Variants in ADAMTS19 observed in about 807,000 individuals in gnomAD.
ADAMTS19 encodes the protein A disintegrin and metalloproteinase with thrombospondin motifs 19.
A neutral mutation model predicts 153.3 loss-of-function variants in ADAMTS19; 93 were observed. The ratio of observed to expected loss-of-function variants is 0.61; its 90% CI spans 0.51 to 0.72. The LOEUF is 0.72. Ranked by LOEUF, ADAMTS19 falls within the 30% of genes least tolerant of loss-of-function variation. The probability of loss-of-function intolerance (pLI) is 0.00; values close to 1 mark genes in which losing one functional copy is unlikely to be tolerated. For missense variants in ADAMTS19, 1,482 were observed against 1,552.1 expected (o/e 0.95, Z 0.76); for synonymous variants, 600 against 556.6 (o/e 1.08, Z -1.10).
chr5:129,590,066 T>A (rs1230764915), intron 7 of ADAMTS19, among the ~76,000 whole-genome samples: 2 of 152,200 alleles, frequency 1.3e-5, no homozygotes, highest in Admixed American at 1.3e-4. Flanking sequence ...CTTAAAGTTA[T>A]TTTCAAATAT....
intron 20 of ADAMTS19, among the ~76,000 whole-genome samples, chr5:129,702,043 C>T (rs780872215): frequency 1.9e-4 from 29 of 152,216 alleles, no homozygotes; most frequent in Non-Finnish European, 3.8e-4. Context: ...TAAGTTTCAT[C>T]ATTTTATAAG....
rs1043244331 is a variant in ADAMTS19 at position 129,551,747 on chromosome 5, T to A, written c.1329-117T>A. ...AATCTTATTCACAGTTTTATTAGAT[T>A]CTTGGAGATGACAGATGTGCTTCAA... On this transcript the variant is annotated intron_variant, in intron 6 of 22. Transcript: ENST00000274487. 9 of 603,594 alleles carry A rather than the reference T, an allele frequency of 1.5e-5. No individual in the cohort carries two copies. The East Asian group carries it at 2.9e-4, about 19-fold the overall frequency. The allele number at this position is 603,594 out of a possible 1,614,324, so 37.4% of individuals were successfully genotyped here. A position where few individuals can be genotyped will look rare whatever the true frequency, so the allele number is the denominator to read the frequency against.
At chr5:129,627,022 A>G (rs183875751) in intron 10 of ADAMTS19, among the ~76,000 whole-genome samples, 2 of 152,154 alleles carry the variant, frequency 1.3e-5, no homozygotes, top group Admixed American at 1.3e-4. Flanking sequence ...GCAAGAGAAA[A>G]CAGAATGCAA....
intron 16 of ADAMTS19, among the ~76,000 whole-genome samples, chr5:129,677,476 CAA>C (rs34211136): frequency 2.2e-5 from 3 of 135,836 alleles, no homozygotes. Context: ...GACTCCGTCT[CAA>C]AAAAAAAAAA....
At chr5:129,477,164 C>T (rs1750253321) in intron 2 of ADAMTS19, among the ~76,000 whole-genome samples, 1 of 152,060 alleles carries the variant, frequency 6.6e-6, no homozygotes, top group African/African-American at 2.4e-5. Flanking sequence ...GTTTTACACT[C>T]AGTTTGAGCT....
chr5:129,605,297 T>C (rs1750839200), intron 8 of ADAMTS19, among the ~76,000 whole-genome samples: 3 of 151,784 alleles, frequency 2.0e-5, no homozygotes, highest in African/African-American at 7.2e-5. Flanking sequence ...AAGTTCTACA[T>C]GTTCTAGCCT....
At position 129,705,012 on chromosome 5, in the gene ADAMTS19, C is replaced by T. The variant is rs1192709793; in HGVS notation, c.3312+621C>T. Among the ~76,000 whole-genome samples, 4 of 152,158 alleles carry T rather than the reference C, an allele frequency of 2.6e-5. No homozygotes were observed. In the East Asian group the frequency reaches 7.7e-4, roughly 29 times the overall value. Reference sequence around the variant, plus strand: ...GGCTGTAGAAAATGTCTGACCTGTTCATTCTATGAAATACTAATAAAACCC... The same window carrying T: ...GGCTGTAGAAAATGTCTGACCTGTTTATTCTATGAAATACTAATAAAACCC... On this transcript the variant is annotated intron_variant, in intron 21 of 22. Coordinates refer to ENST00000274487, the MANE Select transcript of ADAMTS19 (RefSeq NM_133638.6).
At chr5:129,563,804 A>C (rs192965063) in intron 7 of ADAMTS19, among the ~76,000 whole-genome samples, 2 of 152,306 alleles carry the variant, frequency 1.3e-5, no homozygotes, top group Non-Finnish European at 2.9e-5. Flanking sequence ...TGGCAATCCC[A>C]AGATTTCTGA....
At chr5:129,558,222 A>G (rs1001343496) in intron 7 of ADAMTS19, among the ~76,000 whole-genome samples, 31 of 152,146 alleles carry the variant, frequency 2.0e-4, no homozygotes, top group African/African-American at 7.5e-4. Context: ...TCGACAATGC[A>G]CTGAAAATTT....
chr5:129,495,165 C>T (rs1750889384), intron 2 of ADAMTS19, among the ~76,000 whole-genome samples: 1 of 151,888 alleles, frequency 6.6e-6, no homozygotes, highest in South Asian at 2.1e-4. Context: ...TTGAGGAATT[C>T]CCTAATAAAG....
In ADAMTS19 at chr5:129,474,441, T is replaced by A. The variant is rs77820303; in HGVS notation, c.747+12684T>A. On this transcript the variant is annotated intron_variant, in intron 2 of 22. Coordinates refer to ENST00000274487, the MANE Select transcript of ADAMTS19 (RefSeq NM_133638.6). ...ACCTAGGACTGCAATTACTAGGTCA[T>A]ACAGTAAATTTGTTTAGTATTTTAA... 2.5e-3 allele frequency among the ~76,000 whole-genome samples: 385 copies of A among 152,316 alleles called. 2 individuals are homozygous for A. The highest frequency in any genetic ancestry group is 9.1e-3 in the African/African-American group (377 of 41,570).
intron 7 of ADAMTS19, among the ~76,000 whole-genome samples, chr5:129,585,625 C>T (rs1390237946): frequency 1.3e-5 from 2 of 151,940 alleles, no homozygotes; most frequent in African/African-American, 2.4e-5. Context: ...TCCTGGTGTT[C>T]TTCATTTCTT....
intron 19 of ADAMTS19, among the ~76,000 whole-genome samples, chr5:129,697,919 T>C (rs528959096): frequency 3.7e-4 from 57 of 152,348 alleles, no homozygotes; most frequent in African/African-American, 1.3e-3. Context: ...GAGCCATGGC[T>C]TTTTCTGATA....
chr5:129,525,690 A>T (rs1301111508), intron 3 of ADAMTS19, among the ~76,000 whole-genome samples: 1 of 151,996 alleles, frequency 6.6e-6, no homozygotes, highest in African/African-American at 2.4e-5. Context: ...GCAAACCTAT[A>T]CATGATTTTT....
chr5:129,497,422 G>T (rs764495553), intron 2 of ADAMTS19, among the ~76,000 whole-genome samples: 4 of 151,836 alleles, frequency 2.6e-5, no homozygotes, highest in Non-Finnish European at 4.4e-5. Context: ...CATTATTTTG[G>T]CAACTGCCAG....
At chr5:129,653,116 A>G (rs1168082803) in intron 13 of ADAMTS19, among the ~76,000 whole-genome samples, 2 of 152,192 alleles carry the variant, frequency 1.3e-5, no homozygotes, top group Non-Finnish European at 2.9e-5. Context: ...CTCTTTGCAA[A>G]GTGATACCCT....
At chr5:129,596,537 A>G in intron 7 of ADAMTS19, 22 bp from the exon 8 acceptor site, 1 of 1,450,444 alleles carries the variant, frequency 6.9e-7, no homozygotes, top group Non-Finnish European at 9.5e-7. Flanking sequence ...GACATATAAT[A>G]ATTAATGTTT....
intron 7 of ADAMTS19, among the ~76,000 whole-genome samples, chr5:129,572,577 G>A (rs1269797742): frequency 6.6e-6 from 1 of 151,970 alleles, no homozygotes; most frequent in Non-Finnish European, 1.5e-5. Context: ...ACAAGGAAAT[G>A]CTATTCAGCA....
chr5:129,665,635 TGAGA>T, intron 16 of ADAMTS19, 56 bp downstream of exon 16: 1 of 1,341,402 alleles, frequency 7.5e-7, no homozygotes. Context: ...CTCCCTGCCC[TGAGA>T]GTTCTATGAT....
Sources: gnomAD v4.1 joint callset for allele counts (sites outside exome capture counted in the v4.1 genomes callset) on GRCh38, gnomAD v4.1.1 for gene constraint, MANE v1.5 for transcripts, NCBI Gene and HGNC (gene_info 2026-07-23, HGNC 2026-07-21) for gene names.